The following PRMT5 variants were observed in gnomAD, a reference collection of about 807,000 sequenced individuals.
PRMT5 encodes the protein protein arginine N-methyltransferase 5.
In PRMT5, 15 loss-of-function variants were observed where a neutral mutation model predicts 84.0. The observed-to-expected ratio is 0.18, with a 90% CI of 0.12 to 0.28. The LOEUF (loss-of-function observed/expected upper bound fraction) is 0.28, where lower values mean the gene tolerates loss of function less well. PRMT5 is among the 10% of genes least tolerant of loss of function. PRMT5 has a pLI of 1.00. For synonymous variants in PRMT5, 276 were observed against 292.4 expected (o/e 0.94, Z 0.57); for missense variants, 486 against 808.0 (o/e 0.60, Z 4.83).
In PRMT5 at chr14:22,923,012, A is replaced by G; in HGVS notation, c.1485+39T>C. The stretch of plus-strand genomic sequence containing the variant: ...GCAAATACAGAAAAAGAAGAGGACT[A>G]AAGAGTACCACTTCTTTCCAGAGAG... On this transcript the variant is annotated intron_variant, in intron 13 of 16. Coordinates refer to ENST00000324366, the MANE Select transcript of PRMT5 (RefSeq NM_006109.5). The surrounding 1 kb of genome is among the most constrained non-coding windows in gnomAD (Gnocchi z 5.2). 1 of 1,513,690 alleles carries G rather than the reference A, an allele frequency of 6.6e-7. No individual in the cohort carries two copies. Among genetic ancestry groups the G allele is most frequent in the Non-Finnish European group, 9.1e-7 (1 of 1,096,000 alleles). 93.8% of individuals were successfully genotyped at this position (1,513,690 alleles called of 1,614,324 possible).
At chr14:22,922,698 A>G (rs543526583) in intron 14 of PRMT5, 44 bp downstream of exon 14, 2 of 1,582,394 alleles carry the variant, frequency 1.3e-6, no homozygotes, top group Admixed American at 3.3e-5. Context: ...GGAAGGAAGA[A>G]GCCCGTACCC....
At chr14:22,921,202 A>ATTT (rs2044289405) in intron 16 of PRMT5, 146 bp from the exon 17 acceptor site, 1 of 999,146 alleles carries the variant, frequency 1.0e-6, no homozygotes, top group Non-Finnish European at 1.5e-6. Flanking sequence ...CAGAACACAA[A>ATTT]TAATCAAAGG....
Position 22,920,815 on chromosome 14 carries a change from A to G in PRMT5, c.*89T>C. On this transcript the variant is annotated 3_prime_UTR_variant, in exon 17 of 17. Transcript: ENST00000324366. Reference sequence around the variant, plus strand: ...TGCTCCTCTCTGATGGGCAAGGGGAATCACAGCCCATAGATGTACTGCACC... The same window carrying G: ...TGCTCCTCTCTGATGGGCAAGGGGAGTCACAGCCCATAGATGTACTGCACC... 1 of 1,547,314 alleles carries G rather than the reference A, an allele frequency of 6.5e-7. No individual in the cohort carries two copies. The highest frequency in any genetic ancestry group is 8.9e-7 in the Non-Finnish European group (1 of 1,119,682).
Position 22,920,692 on chromosome 14 carries a change from C to T in PRMT5, c.*212G>A, listed in dbSNP as rs762929961. On this transcript the variant is annotated 3_prime_UTR_variant, in exon 17 of 17. Transcript: ENST00000324366. ...CTTCAAATCCAGCACTAATTCCTCA[C>T]CCCCTGGCCTGAGGTCTTCATAGAT... 21 of 746,280 alleles carry T rather than the reference C, an allele frequency of 2.8e-5. No individual in the cohort carries two copies. Among genetic ancestry groups the T allele is most frequent in the Non-Finnish European group, 4.1e-5 (17 of 414,510 alleles). 46.2% of individuals were successfully genotyped at this position (746,280 alleles called of 1,614,324 possible).
At position 22,924,232 on chromosome 14, in the gene PRMT5, A is replaced by G. The variant is rs747999731; in HGVS notation, c.1199+38T>C. ...GGAGAGATGTTAAGGAAATTTGGCA[A>G]TGAGGACTAACTTCCCAGCAAGCAG... On this transcript the variant is annotated intron_variant, in intron 11 of 16. Coordinates refer to ENST00000324366, the MANE Select transcript of PRMT5 (RefSeq NM_006109.5). The surrounding 1 kb of genome is among the most constrained non-coding windows in gnomAD (Gnocchi z 6.5). 2.3e-5 allele frequency: 37 copies of G among 1,612,266 alleles called. No homozygotes were observed. The Admixed American group carries it at 3.0e-4, about 13-fold the overall frequency.
At position 22,924,931 on chromosome 14, in the gene PRMT5, G is replaced by A. The variant is rs754462819; in HGVS notation, c.887C>T (p.Ala296Val). 6.2e-7 allele frequency: 1 copy of A among 1,614,042 alleles called. No individual in the cohort carries two copies. Among genetic ancestry groups the A allele is most frequent in the African/African-American group, 1.3e-5 (1 of 74,902 alleles). ...ATAGCCCTTGGCAAAGAGTTCATAG[G>A]CATTAGGTGGAGGACGGTTCTGGCT... ...YLSQNRPPPNAYELFAKGYED... is the reference protein window; with the variant it reads ...YLSQNRPPPNVYELFAKGYED... The change falls in exon 8 of 17, where the codon GCC becomes GTC. Residue 296 changes from alanine to valine, a missense_variant. Physicochemically the swap from Ala to Val is moderately conservative, Grantham distance 64. Coordinates refer to ENST00000324366, the MANE Select transcript of PRMT5 (RefSeq NM_006109.5). The surrounding 1 kb of genome is among the most constrained non-coding windows in gnomAD (Gnocchi z 6.5).
intron 16 of PRMT5, among the ~76,000 whole-genome samples, chr14:22,921,840 C>T (rs2044303947): frequency 6.7e-6 from 1 of 149,878 alleles, no homozygotes; most frequent in Non-Finnish European, 1.5e-5. Flanking sequence ...CGAAATTGTG[C>T]CACTGCACTC....
intron 1 of PRMT5, 195 bp downstream of exon 1, chr14:22,929,056 CA>C: frequency 7.3e-7 from 1 of 1,377,856 alleles, no homozygotes; most frequent in Non-Finnish European, 1.0e-6. Flanking sequence ...CTTTGGGACT[CA>C]GTGACCACAG....
Position 22,928,477 on chromosome 14 carries a change from G to T in PRMT5, c.229+20C>A. 1 of 1,550,972 alleles carries T rather than the reference G, an allele frequency of 6.4e-7. No homozygotes were observed. The highest frequency in any genetic ancestry group is 8.9e-7 in the Non-Finnish European group (1 of 1,122,602). ...TGTTATTGCCTCTAATAATTAAGGG[G>T]CATATGGGATGGTCCCTACCCCTTC... On this transcript the variant is annotated intron_variant, in intron 2 of 16. Coordinates refer to ENST00000324366, the MANE Select transcript of PRMT5 (RefSeq NM_006109.5). This position sits in a 1 kb window ranked among gnomAD's most constrained non-coding sequence, Gnocchi z 4.8.
Position 22,920,627 on chromosome 14 carries a change from T to G in PRMT5, c.*277A>C. On this transcript the variant is annotated 3_prime_UTR_variant, in exon 17 of 17. Coordinates refer to ENST00000324366, the MANE Select transcript of PRMT5 (RefSeq NM_006109.5). ...GAAAATCCGTTCAAACCCCATGTTC[T>G]CAGGGATATTCCAGGGAGTTCTTGA... is the stretch of plus-strand genomic sequence containing the variant. 1.5e-6 allele frequency: 1 copy of G among 658,806 alleles called. No individual in the cohort carries two copies. The highest frequency in any genetic ancestry group is 2.9e-6 in the Non-Finnish European group (1 of 348,548). The allele number at this position is 658,806 out of a possible 1,614,324, so 40.8% of individuals were successfully genotyped here. A position where few individuals can be genotyped will look rare whatever the true frequency, so the allele number is the denominator to read the frequency against.
At chr14:22,921,140 G>T (rs2044286550) in intron 16 of PRMT5, 84 bp from the exon 17 acceptor site, 6 of 1,518,784 alleles carry the variant, frequency 4.0e-6, no homozygotes, top group Non-Finnish European at 5.4e-6. Context: ...GAGATAAAAT[G>T]ATAAACATGA....
rs770271000 is a variant in PRMT5, at chr14:22,928,225, C to A, written c.230-14G>T. 6.2e-7 allele frequency: 1 copy of A among 1,612,594 alleles called. No individual in the cohort carries two copies. Among genetic ancestry groups the A allele is most frequent in the Admixed American group, 1.7e-5 (1 of 59,988 alleles). Reference sequence around the variant, plus strand: ...GCGTATTCCAGTCTGCACTCCCCCACCCAAGAAAGACAAATACTGAATAAG... The same window carrying A: ...GCGTATTCCAGTCTGCACTCCCCCAACCAAGAAAGACAAATACTGAATAAG... On this transcript the variant is annotated splice_polypyrimidine_tract_variant and intron_variant, in intron 2 of 16. Transcript: ENST00000324366. The surrounding 1 kb of genome is among the most constrained non-coding windows in gnomAD (Gnocchi z 4.8).
At chr14:22,927,084 C>CTTTT (rs34007516) in intron 4 of PRMT5, among the ~76,000 whole-genome samples, 3 of 132,500 alleles carry the variant, frequency 2.3e-5, no homozygotes, top group Non-Finnish European at 3.3e-5. Flanking sequence ...CAATACTGAC[C>CTTTT]TTTTTTTTTT....
chr14:22,924,490 A>G lies in PRMT5; in HGVS notation c.1065T>C (p.Asp355=), dbSNP rs751839539. The G allele has an allele frequency of 1.9e-6, 3 of 1,614,002 alleles. No individual in the cohort carries two copies. The highest frequency in any genetic ancestry group is 1.7e-6 in the Non-Finnish European group (2 of 1,179,898). Residue 355 remains aspartate (D), a synonymous_variant, in exon 10 of 17, where the codon GAT becomes GAC. Transcript: ENST00000324366. This position sits in a 1 kb window ranked among gnomAD's most constrained non-coding sequence, Gnocchi z 6.5. Reference sequence around the variant, plus strand: ...GGGAAAGCACTCACTGGACATTGGTATCCTTCTCCTCTTCTGGTACTCGGT... The same window carrying G: ...GGGAAAGCACTCACTGGACATTGGTGTCCTTCTCCTCTTCTGGTACTCGGT... ...LLDRVPEEEK[D]TNVQVLMVLG...
At position 22,924,732 on chromosome 14, in the gene PRMT5, AAGTT is replaced by A. The variant is rs1566633034; in HGVS notation, c.940-27_940-24del. 12 of 1,610,558 alleles carry A rather than the reference AAGTT, an allele frequency of 7.5e-6. No individual in the cohort carries two copies. Among genetic ancestry groups the A allele is most frequent in the Admixed American group, 1.7e-5 (1 of 59,786 alleles). On this transcript the variant is annotated intron_variant, in intron 8 of 16. Transcript: ENST00000324366. This position sits in a 1 kb window ranked among gnomAD's most constrained non-coding sequence, Gnocchi z 6.5. ...TGGCTGATGAATGAGGAAAAGGACA[AAGTT>A]AGCCAGTTTCTGGCAAAGGACAATG...
At position 22,928,333 on chromosome 14, in the gene PRMT5, G is replaced by A. The variant is rs2044473066; in HGVS notation, c.230-122C>T. ...ACAAAGGTTTTTTCTACATAGACAT[G>A]GGATAGCCTGATGCAGAATAGAGAA... On this transcript the variant is annotated intron_variant, in intron 2 of 16. Coordinates refer to ENST00000324366, the MANE Select transcript of PRMT5 (RefSeq NM_006109.5). The surrounding 1 kb of genome is among the most constrained non-coding windows in gnomAD (Gnocchi z 4.8). 1.7e-6 allele frequency: 2 copies of A among 1,199,204 alleles called. No individual in the cohort carries two copies. Among genetic ancestry groups the A allele is most frequent in the Admixed American group, 3.7e-5 (2 of 54,380 alleles). The allele number at this position is 1,199,204 out of a possible 1,614,324, so 74.3% of individuals were successfully genotyped here.
Position 22,923,360 on chromosome 14 carries a change from G to C in PRMT5, c.1376-200C>G. 1 of 517,834 alleles carries C rather than the reference G, an allele frequency of 1.9e-6. No individual in the cohort carries two copies. Among genetic ancestry groups the C allele is most frequent in the South Asian group, 3.0e-5 (1 of 33,534 alleles). 32.1% of individuals were successfully genotyped at this position (517,834 alleles called of 1,614,324 possible). On this transcript the variant is annotated intron_variant, in intron 12 of 16. Transcript: ENST00000324366. The surrounding 1 kb of genome is among the most constrained non-coding windows in gnomAD (Gnocchi z 5.2). ...ACTGTCATGGAGGATTCCACTACTAGGTTAATTTACAGAGTCACACAGATT... is the reference window on the plus strand; with the variant it reads ...ACTGTCATGGAGGATTCCACTACTACGTTAATTTACAGAGTCACACAGATT...
In PRMT5 at chr14:22,922,480, G is replaced by C. The variant is rs1192352518; in HGVS notation, c.1659C>G (p.Gly553=). The part of the protein sequence containing the change: ...EVNTVLHGFA[G]YFETVLYQDI... ...CCTGATAAAGCACAGTCTCAAAGTA[G>C]CCGGCAAAGCCATGTAGTACTGTGT... Residue 553 remains glycine, a synonymous_variant, in exon 15 of 17, where the codon GGC becomes GGG. Coordinates refer to ENST00000324366, the MANE Select transcript of PRMT5 (RefSeq NM_006109.5). The C allele has an allele frequency of 4.3e-6, 7 of 1,613,878 alleles. No individual in the cohort carries two copies. The African/African-American group carries it at 9.3e-5, about 22-fold the overall frequency.
chr14:22,928,230 GA>G lies in PRMT5; in HGVS notation c.230-20del. The stretch of plus-strand genomic sequence containing the variant: ...TTCCAGTCTGCACTCCCCCACCCAA[GA>G]AAGACAAATACTGAATAAGGTTCAG... On this transcript the variant is annotated intron_variant, in intron 2 of 16. Coordinates refer to ENST00000324366, the MANE Select transcript of PRMT5 (RefSeq NM_006109.5). The surrounding 1 kb of genome is among the most constrained non-coding windows in gnomAD (Gnocchi z 4.8). The G allele has an allele frequency of 6.2e-7, 1 of 1,610,660 alleles. No individual in the cohort carries two copies. The highest frequency in any genetic ancestry group is 8.5e-7 in the Non-Finnish European group (1 of 1,177,020).
Sources: allele counts gnomAD v4.1 joint callset (sites outside exome capture counted in the v4.1 genomes callset), GRCh38; gene constraint gnomAD v4.1.1; non-coding constraint Gnocchi (gnomAD v3.1); transcripts MANE v1.5; gene names NCBI Gene and HGNC (gene_info 2026-07-23, HGNC 2026-07-21).